The following ESPNL variants were observed in gnomAD, a reference collection of about 807,000 sequenced individuals.
The protein encoded by ESPNL is espin like, also known as espin-like protein.
Under a neutral mutation model 46.8 loss-of-function variants are expected in ESPNL, and 49 were observed. The observed-to-expected ratio is 1.05, with a 90% CI of 0.83 to 1.33. The LOEUF is 1.33. ESPNL is among the 40% of genes most tolerant of loss of function. The probability of loss-of-function intolerance (pLI) is 0.00; values close to 1 mark genes in which losing one functional copy is unlikely to be tolerated. For missense variants in ESPNL, 1,540 were observed against 1,436.6 expected, an observed-to-expected ratio of 1.07 and a Z score of -1.16; for synonymous variants, 664 against 662.1, an observed-to-expected ratio of 1.00 and a Z score of -0.04.
At chr2:238,117,993 G>T (rs1207332925) in intron 5 of ESPNL, among the ~76,000 whole-genome samples, 1 of 151,734 alleles carries the variant, frequency 6.6e-6, no homozygotes, top group Non-Finnish European at 1.5e-5. Flanking sequence ...GATGGAGGAA[G>T]GTGGATGGAG....
chr2:238,110,584 T>C (rs375780809), intron 4 of ESPNL, among the ~76,000 whole-genome samples: 8 of 115,446 alleles, frequency 6.9e-5, no homozygotes, highest in East Asian at 4.8e-4. Context: ...GGGTGCCATA[T>C]GTTACCGAGT....
At chr2:238,104,196 T>C (rs1445773189) in intron 2 of ESPNL, among the ~76,000 whole-genome samples, 1 of 151,110 alleles carries the variant, frequency 6.6e-6, no homozygotes, top group Non-Finnish European at 1.5e-5. Flanking sequence ...AGCCCGAGAG[T>C]TGACCCTCCC....
Position 238,130,658 on chromosome 2 carries a change from G to C in ESPNL, c.1944G>C (p.Trp648Cys), listed in dbSNP as rs1356739825. The change falls in exon 9 of 9, where the codon TGG becomes TGC. Residue 648 changes from tryptophan (W) to cysteine (C), a missense_variant. Physicochemically the swap from Trp to Cys is radical, Grantham distance 215 (BLOSUM62 -2). Transcript: ENST00000343063. ...AGGCCCAGCGCCAGATCCAGGAGTG[G>C]GGGGTGTCTGTGCGGACGCTGCGGG... ...RSEAQRQIQE[W>C]GVSVRTLRGN... 1.9e-6 allele frequency: 3 copies of C among 1,561,446 alleles called. No individual in the cohort carries two copies. Among genetic ancestry groups the C allele is most frequent in the Non-Finnish European group, 2.6e-6 (3 of 1,153,246 alleles).
intron 1 of ESPNL, 131 bp from the exon 2 acceptor site, chr2:238,101,810 A>C: frequency 3.3e-6 from 2 of 612,552 alleles, no homozygotes; most frequent in Non-Finnish European, 5.7e-6. Context: ...AACGGAGGGA[A>C]GGAGGAAGGA....
intron 4 of ESPNL, among the ~76,000 whole-genome samples, chr2:238,112,635 C>G (rs765801050): frequency 2.6e-5 from 4 of 152,118 alleles, no homozygotes; most frequent in Non-Finnish European, 5.9e-5. Flanking sequence ...TTATTGAAGG[C>G]TATAAATTTT....
Position 238,100,455 on chromosome 2 carries a change from T to C in ESPNL, c.36T>C (p.Asp12=). The C allele has an allele frequency of 6.2e-7, 1 of 1,605,140 alleles. No homozygotes were observed. Among genetic ancestry groups the C allele is most frequent in the Non-Finnish European group, 8.5e-7 (1 of 1,177,874 alleles). Residue 12 remains aspartate (D), a synonymous_variant, in exon 1 of 9, where the codon GAT becomes GAC. Transcript: ENST00000343063. ...EKQRALVAAK[D]GDVATLERLL... is the part of the protein sequence containing the mutation. ...AGCGGGCACTCGTGGCCGCCAAGGA[T>C]GGGGATGTGGCGACGTTGGAGCGGC...
At chr2:238,109,313 T>C (rs759912250) in intron 4 of ESPNL, among the ~76,000 whole-genome samples, 5 of 152,232 alleles carry the variant, frequency 3.3e-5, no homozygotes, top group Non-Finnish European at 7.3e-5. Context: ...CTCCTCTGGC[T>C]CCTCAGCTTC....
chr2:238,128,983 C>T (rs988222712), intron 8 of ESPNL, 79 bp downstream of exon 8: 1 of 1,483,530 alleles, frequency 6.7e-7, no homozygotes, highest in Non-Finnish European at 8.9e-7. Context: ...TCAGGGCGCC[C>T]GAAGCCCAGA....
chr2:238,117,480 GGGT>G (rs1691842769), intron 5 of ESPNL, among the ~76,000 whole-genome samples: 1 of 152,044 alleles, frequency 6.6e-6, no homozygotes, highest in African/African-American at 2.4e-5. Flanking sequence ...TGGGTGATGT[GGGT>G]GATGTGGGTG....
chr2:238,108,354 C>T (rs1167826742), intron 4 of ESPNL, among the ~76,000 whole-genome samples: 1 of 152,160 alleles, frequency 6.6e-6, no homozygotes, highest in Non-Finnish European at 1.5e-5. Flanking sequence ...CCAGATAAAT[C>T]TTGGGGGCTC....
Position 238,130,671 on chromosome 2 carries a change from C to T in ESPNL, c.1957C>T (p.Arg653Trp), listed in dbSNP as rs76758152. ...GATCCAGGAGTGGGGGGTGTCTGTG[C>T]GGACGCTGCGGGGCAACTTCGAGTC... ...RQIQEWGVSV[R>W]TLRGNFESAS... Residue 653 changes from arginine to tryptophan, a missense_variant, in exon 9 of 9, where the codon CGG (arginine) becomes TGG (tryptophan). Transcript: ENST00000343063. The T allele has an allele frequency of 0.018, 28,154 of 1,561,012 alleles. 303 individuals carry two copies. The highest frequency in any genetic ancestry group is 0.021 in the Non-Finnish European group (24,116 of 1,153,382).
intron 4 of ESPNL, among the ~76,000 whole-genome samples, chr2:238,109,730 G>A (rs115745787): frequency 0.011 from 1,724 of 152,294 alleles, 37 homozygotes; most frequent in African/African-American, 0.04. Flanking sequence ...CTAGCACAGT[G>A]TTACTAACTA....
In ESPNL at chr2:238,131,330, G is replaced by A. The variant is rs534786155; in HGVS notation, c.2616G>A (p.Ala872=). 5.0e-6 allele frequency: 8 copies of A among 1,589,742 alleles called. No individual in the cohort carries two copies. The highest frequency in any genetic ancestry group is 1.7e-4 in the Middle Eastern group (1 of 6,036). ...AGCTGCTGGAGTGCGACCTGCCGGCGGAGGAGCGGAAGCTGCGCCACCTGC... is the reference window on the plus strand; with the variant it reads ...AGCTGCTGGAGTGCGACCTGCCGGCAGAGGAGCGGAAGCTGCGCCACCTGC... ...YFQLLECDLP[A]EERKLRHLLC... Residue 872 remains alanine (A), a synonymous_variant, in exon 9 of 9, where the codon GCG becomes GCA. Coordinates refer to ENST00000343063, the MANE Select transcript of ESPNL (RefSeq NM_194312.4).
At chr2:238,112,860 A>G (rs1440058492) in intron 4 of ESPNL, among the ~76,000 whole-genome samples, 1 of 152,180 alleles carries the variant, frequency 6.6e-6, no homozygotes, top group Non-Finnish European at 1.5e-5. Context: ...TGGTCATTTC[A>G]ATCCTTTGAT....
In ESPNL at chr2:238,124,624, CGT is replaced by C. The variant is rs143458128; in HGVS notation, c.988-638_988-637del. 2.7e-4 allele frequency among the ~76,000 whole-genome samples: 37 copies of C among 139,392 alleles called. No homozygotes were observed. In the East Asian group the frequency reaches 7.3e-3, roughly 28 times the overall value. 91.4% of individuals were successfully genotyped at this position (139,392 alleles called of 152,430 possible). A position where few individuals can be genotyped will look rare whatever the true frequency, so the allele number is the denominator to read the frequency against. On this transcript the variant is annotated intron_variant, in intron 5 of 8. Coordinates refer to ENST00000343063, the MANE Select transcript of ESPNL (RefSeq NM_194312.4). ...ACGTGTGTGTGCAGGAGGGTACATGCGTGTGTGTGCAGGAGAGTGTACGTGCA... is the reference window on the plus strand; with the variant it reads ...ACGTGTGTGTGCAGGAGGGTACATGCGTGTGTGCAGGAGAGTGTACGTGCA...
At chr2:238,106,337 G>A (rs923753389) in intron 3 of ESPNL, among the ~76,000 whole-genome samples, 5 of 152,188 alleles carry the variant, frequency 3.3e-5, no homozygotes, top group Non-Finnish European at 7.4e-5. Flanking sequence ...CCTGCTCACC[G>A]TGTCCCCGGG....
intron 1 of ESPNL, 44 bp downstream of exon 1, chr2:238,100,757 G>A (rs1262180886): frequency 7.2e-7 from 1 of 1,388,266 alleles, no homozygotes. Flanking sequence ...GCTGGCTGGG[G>A]TGGAACCAGG....
At chr2:238,127,117 TTGTGTC>T (rs1028734090) in intron 6 of ESPNL, among the ~76,000 whole-genome samples, 2 of 149,208 alleles carry the variant, frequency 1.3e-5, no homozygotes, top group Admixed American at 6.7e-5. Context: ...TGTGATGTGA[TTGTGTC>T]TGTGTCTGTG....
Position 238,130,994 on chromosome 2 carries a change from A to G in ESPNL, c.2280A>G (p.Thr760=), listed in dbSNP as rs1333990412. The change falls in exon 9 of 9, where the codon ACA becomes ACG. Residue 760 remains threonine, a synonymous_variant. Coordinates refer to ENST00000343063, the MANE Select transcript of ESPNL (RefSeq NM_194312.4). ...RRSAYTPALK[T]VACRTLGARH... ...CGGCCTACACGCCGGCCCTCAAGACAGTGGCCTGCAGGACCCTAGGAGCCC... is the reference window on the plus strand; with the variant it reads ...CGGCCTACACGCCGGCCCTCAAGACGGTGGCCTGCAGGACCCTAGGAGCCC... The G allele has an allele frequency of 6.5e-7, 1 of 1,546,590 alleles. No individual in the cohort carries two copies. Among genetic ancestry groups the G allele is most frequent in the Non-Finnish European group, 8.7e-7 (1 of 1,146,352 alleles).
Sources: gnomAD v4.1 joint callset for allele counts (sites outside exome capture counted in the v4.1 genomes callset) on GRCh38, gnomAD v4.1.1 for gene constraint, MANE v1.5 for transcripts, NCBI Gene and HGNC (gene_info 2026-07-23, HGNC 2026-07-21) for gene names.